Variants in MARCHF8 observed in about 807,000 individuals in gnomAD.
The protein encoded by MARCHF8 is E3 ubiquitin-protein ligase MARCHF8.
MARCHF8 carries 40 observed loss-of-function variants against 51.6 expected under a neutral mutation model. The observed-to-expected ratio is 0.77, with a 90% CI of 0.60 to 1.01. The LOEUF (loss-of-function observed/expected upper bound fraction) is 1.01, where lower values mean the gene tolerates loss of function less well. Among genes scored for constraint, MARCHF8 ranks in the 50% least tolerant of loss-of-function variants. The probability of loss-of-function intolerance (pLI) is 0.00; values close to 1 mark genes in which losing one functional copy is unlikely to be tolerated. For missense variants in MARCHF8, 685 were observed against 708.6 expected (o/e 0.97, Z 0.38); for synonymous variants, 263 against 280.3 (o/e 0.94, Z 0.62).
chr10:45,560,909 G>A (rs947020750), intron 1 of MARCHF8, among the ~76,000 whole-genome samples: 1 of 152,108 alleles, frequency 6.6e-6, no homozygotes, highest in Non-Finnish European at 1.5e-5. Context: ...AATCAAAAAA[G>A]CCTCGTATAA....
At chr10:45,539,252 G>T (rs2044017750), upstream of MARCHF8, among the ~76,000 whole-genome samples, 1 of 152,198 alleles carries the variant, frequency 6.6e-6, no homozygotes, top group Admixed American at 6.5e-5. Context: ...CAGAAATAAA[G>T]ATGTTCTTTG....
rs150227081 is a variant in MARCHF8, at chr10:45,533,502, G to A, written c.-78-213C>T. On this transcript the variant is annotated intron_variant, in intron 1 of 7. Transcript: ENST00000453424. Reference sequence around the variant, plus strand: ...AAGATGGGAGCACCTGAAAGAGGCAGGTGGATCACGTACATGTATAATCAG... The same window carrying A: ...AAGATGGGAGCACCTGAAAGAGGCAAGTGGATCACGTACATGTATAATCAG... 4.7e-4 allele frequency among the ~76,000 whole-genome samples: 71 copies of A among 152,288 alleles called. 2 individuals are homozygous for A. In the East Asian group the frequency reaches 9.3e-3, roughly 20 times the overall value.
chr10:45,516,584 C>T (rs1221573217), intron 2 of MARCHF8, among the ~76,000 whole-genome samples: 13 of 152,238 alleles, frequency 8.5e-5, no homozygotes, highest in African/African-American at 2.2e-4. Context: ...GACAATACAG[C>T]GAAACCCTAT....
intron 2 of MARCHF8, among the ~76,000 whole-genome samples, chr10:45,510,000 A>T (rs2043466170): frequency 6.6e-6 from 1 of 152,202 alleles, no homozygotes; most frequent in African/African-American, 2.4e-5. Context: ...AAGAAGACTA[A>T]ACATCTCATA....
chr10:45,523,383 A>G (rs11239549), intron 2 of MARCHF8, among the ~76,000 whole-genome samples: 39,435 of 152,022 alleles, frequency 0.26, 5,273 homozygotes, highest in Admixed American at 0.32. Flanking sequence ...ATTTAGCCAC[A>G]TGTGATGGTG....
intron 3 of MARCHF8, among the ~76,000 whole-genome samples, chr10:45,475,688 G>A (rs1162989754): frequency 6.6e-6 from 1 of 152,098 alleles, no homozygotes; most frequent in African/African-American, 2.4e-5. Context: ...CTGCTGCCCA[G>A]GAGCCCAAGA....
chr10:45,542,215 G>A (rs537207505), intron 1 of MARCHF8, among the ~76,000 whole-genome samples: 57 of 151,782 alleles, frequency 3.8e-4, no homozygotes, highest in African/African-American at 1.2e-3. Flanking sequence ...GCATGGTGGC[G>A]GGCACCTGTA....
At chr10:45,588,240 C>G (rs571567399) in intron 1 of MARCHF8, among the ~76,000 whole-genome samples, 1 of 151,532 alleles carries the variant, frequency 6.6e-6, no homozygotes, top group Non-Finnish European at 1.5e-5. Context: ...GAAACACTTT[C>G]CTTATCCATA....
intron 1 of MARCHF8, among the ~76,000 whole-genome samples, chr10:45,580,498 T>G (rs1273433253): frequency 1.3e-5 from 2 of 152,176 alleles, no homozygotes; most frequent in Non-Finnish European, 2.9e-5. Context: ...AAGTATTTCT[T>G]GAGGCCATGG....
chr10:45,539,993 G>C (rs1470451718), upstream of MARCHF8, among the ~76,000 whole-genome samples: 2 of 152,180 alleles, frequency 1.3e-5, no homozygotes, highest in Non-Finnish European at 2.9e-5. Context: ...ACTTACAAGG[G>C]ATGTGAAGGA....
intron 3 of MARCHF8, among the ~76,000 whole-genome samples, chr10:45,467,601 T>C (rs902133610): frequency 6.6e-6 from 1 of 152,140 alleles, no homozygotes; most frequent in African/African-American, 2.4e-5. Context: ...AATGGTTCCA[T>C]GGTCAGATTC....
chr10:45,566,773 C>CG (rs1010929201), intron 1 of MARCHF8, among the ~76,000 whole-genome samples: 3 of 2,172 alleles, frequency 1.4e-3, no homozygotes, highest in Admixed American at 7.6e-3. Context: ...TTCTTTCTGG[C>CG]GGGGGGAGGG....
chr10:45,590,838 A>G (rs2044672173), intron 1 of MARCHF8, among the ~76,000 whole-genome samples: 3 of 152,230 alleles, frequency 2.0e-5, no homozygotes. Flanking sequence ...GTCAGGCCTG[A>G]GCCCAAGCTA....
At chr10:45,544,027 C>T (rs2044089490) in intron 1 of MARCHF8, among the ~76,000 whole-genome samples, 1 of 151,956 alleles carries the variant, frequency 6.6e-6, no homozygotes, top group Non-Finnish European at 1.5e-5. Flanking sequence ...ATGATCACAA[C>T]ACTGTACTCC....
At chr10:45,468,839 C>T (rs535854337) in intron 3 of MARCHF8, among the ~76,000 whole-genome samples, 7 of 152,188 alleles carry the variant, frequency 4.6e-5, no homozygotes, top group South Asian at 4.1e-4. Flanking sequence ...TATGTGTTGG[C>T]GGAAGTGTTG....
intron 1 of MARCHF8, among the ~76,000 whole-genome samples, chr10:45,579,920 G>GGAGAATTGCTT (rs1447619197): frequency 6.9e-6 from 1 of 145,772 alleles, no homozygotes; most frequent in Non-Finnish European, 1.5e-5. Context: ...GGCTGAGACA[G>GGAGAATTGCTT]GAGAATTGCT....
intron 1 of MARCHF8, among the ~76,000 whole-genome samples, chr10:45,591,893 C>A (rs2044685118): frequency 6.6e-6 from 1 of 152,212 alleles, no homozygotes; most frequent in Non-Finnish European, 1.5e-5. Flanking sequence ...ACTTCCATGT[C>A]CAGAATCCAC....
chr10:45,555,743 CAAA>C (rs34811393), intron 1 of MARCHF8, among the ~76,000 whole-genome samples: 6 of 96,132 alleles, frequency 6.2e-5, no homozygotes, highest in Admixed American at 1.2e-4. Flanking sequence ...GACCCTGTCT[CAAA>C]AAAAAAAAAA....
At chr10:45,465,797 G>T (rs1842945753) in intron 3 of MARCHF8, among the ~76,000 whole-genome samples, 1 of 152,230 alleles carries the variant, frequency 6.6e-6, no homozygotes, top group African/African-American at 2.4e-5. Flanking sequence ...ATTCACCAAA[G>T]AATCTACATT....
Sources: allele counts gnomAD v4.1 joint callset (sites outside exome capture counted in the v4.1 genomes callset), GRCh38; gene constraint gnomAD v4.1.1; transcripts MANE v1.5; gene names NCBI Gene and HGNC (gene_info 2026-07-23, HGNC 2026-07-21).